ITGB3BP: variants seen among roughly 807,000 people sequenced by gnomAD.
ITGB3BP encodes centromere protein R.
A neutral mutation model predicts 29.1 loss-of-function variants in ITGB3BP; 27 were observed. That is an observed-to-expected ratio of 0.93 (90% CI 0.68 to 1.28). The LOEUF (loss-of-function observed/expected upper bound fraction) is 1.28, where lower values mean the gene tolerates loss of function less well. Ranked by LOEUF, ITGB3BP falls within the 50% of genes most tolerant of loss-of-function variation. The pLI, the probability that ITGB3BP is intolerant of heterozygous loss-of-function variation, is 0.00. For synonymous variants in ITGB3BP, 61 were observed against 61.4 expected (o/e 0.99, Z 0.03); for missense variants, 192 against 200.2 (o/e 0.96, Z 0.25).
At chr1:63,464,137 G>A (rs1469419484) in intron 4 of ITGB3BP, among the ~76,000 whole-genome samples, 1 of 151,964 alleles carries the variant, frequency 6.6e-6, no homozygotes, top group East Asian at 1.9e-4. Flanking sequence ...CCATAATGAT[G>A]GCTTATCTCA....
At chr1:63,459,339 G>A (rs1415497599) in intron 4 of ITGB3BP, among the ~76,000 whole-genome samples, 1 of 152,078 alleles carries the variant, frequency 6.6e-6, no homozygotes, top group Non-Finnish European at 1.5e-5. Flanking sequence ...ATTACTAAAA[G>A]CTATTATCTG....
chr1:63,475,400 T>C (rs1645318000), intron 4 of ITGB3BP, among the ~76,000 whole-genome samples: 1 of 152,002 alleles, frequency 6.6e-6, no homozygotes, highest in South Asian at 2.1e-4. Flanking sequence ...TACAAAAAAA[T>C]AAAAGAATTA....
intron 7 of ITGB3BP, among the ~76,000 whole-genome samples, chr1:63,450,732 A>G (rs926087993): frequency 1.3e-5 from 2 of 151,950 alleles, no homozygotes; most frequent in Non-Finnish European, 2.9e-5. Context: ...TATTGAAGAA[A>G]GCAAAATTAG....
At chr1:63,515,351 T>C (rs1646291652) in intron 1 of ITGB3BP, among the ~76,000 whole-genome samples, 2 of 152,182 alleles carry the variant, frequency 1.3e-5, no homozygotes, top group African/African-American at 2.4e-5. Flanking sequence ...TTTCTCTATA[T>C]GCCCAAACCA....
At chr1:63,495,432 A>G (rs1645763432) in intron 2 of ITGB3BP, among the ~76,000 whole-genome samples, 1 of 152,228 alleles carries the variant, frequency 6.6e-6, no homozygotes, top group Non-Finnish European at 1.5e-5. Flanking sequence ...GGTATATGGA[A>G]GGAACCGCAG....
intron 1 of ITGB3BP, among the ~76,000 whole-genome samples, chr1:63,508,963 G>T (rs1343795692): frequency 6.6e-6 from 1 of 152,104 alleles, no homozygotes; most frequent in Non-Finnish European, 1.5e-5. Flanking sequence ...TTTCAGTGGA[G>T]ATGTTGAAAG....
At chr1:63,485,861 T>C (rs553946721) in intron 3 of ITGB3BP, among the ~76,000 whole-genome samples, 3 of 152,188 alleles carry the variant, frequency 2.0e-5, no homozygotes, top group African/African-American at 4.8e-5. Flanking sequence ...ATTTTGTCTT[T>C]GATGTTCTAC....
chr1:63,444,634 T>G (rs1226128853), intron 8 of ITGB3BP, among the ~76,000 whole-genome samples: 2 of 111,588 alleles, frequency 1.8e-5, no homozygotes, highest in African/African-American at 5.7e-5. Context: ...ATATAGGAGA[T>G]ATATATATAT....
chr1:63,521,108 C>T (rs1031488349), intron 1 of ITGB3BP, among the ~76,000 whole-genome samples: 5 of 151,734 alleles, frequency 3.3e-5, no homozygotes, highest in African/African-American at 4.8e-5. Context: ...TAGATCACAC[C>T]CTCCCGTAAG....
Position 63,523,224 on chromosome 1 carries a change from A to C in ITGB3BP, c.-91T>G, listed in dbSNP as rs1429288754. 2 of 1,571,804 alleles carry C rather than the reference A, an allele frequency of 1.3e-6. No individual in the cohort carries two copies. Among genetic ancestry groups the C allele is most frequent in the Non-Finnish European group, 1.7e-6 (2 of 1,144,638 alleles). ...AATCCGCCAAAGGAAACGCCAAGGCATGAAAAGCGCGCGCTGGACGTTGCG... is the reference window on the plus strand; with the variant it reads ...AATCCGCCAAAGGAAACGCCAAGGCCTGAAAAGCGCGCGCTGGACGTTGCG... On this transcript the variant is annotated 5_prime_UTR_variant, in exon 1 of 9. It removes an upstream start codon present in the reference 5' UTR. Coordinates refer to ENST00000271002, the MANE Select transcript of ITGB3BP (RefSeq NM_014288.5).
At chr1:63,514,872 G>A (rs1222459067) in intron 1 of ITGB3BP, among the ~76,000 whole-genome samples, 1 of 149,272 alleles carries the variant, frequency 6.7e-6, no homozygotes, top group Non-Finnish European at 1.5e-5. Context: ...CTTGAACCCA[G>A]GAGACGGAGG....
intron 1 of ITGB3BP, among the ~76,000 whole-genome samples, chr1:63,514,392 C>T (rs572133947): frequency 1.7e-4 from 26 of 152,140 alleles, no homozygotes; most frequent in Middle Eastern, 3.4e-3. Context: ...TAAATAAATA[C>T]CTAGAAGTAG....
At chr1:63,463,108 T>A (rs1270515975) in intron 4 of ITGB3BP, among the ~76,000 whole-genome samples, 1 of 151,744 alleles carries the variant, frequency 6.6e-6, no homozygotes, top group African/African-American at 2.4e-5. Context: ...TAGCCAGGCA[T>A]GGTGGTGGCG....
intron 2 of ITGB3BP, among the ~76,000 whole-genome samples, chr1:63,495,984 G>A (rs867900232): frequency 3.9e-5 from 6 of 152,074 alleles, no homozygotes; most frequent in Admixed American, 3.3e-4. Flanking sequence ...ATAGGGAGCC[G>A]GGAACTATTC....
chr1:63,489,840 G>A (rs1645608318), intron 3 of ITGB3BP, among the ~76,000 whole-genome samples: 1 of 152,084 alleles, frequency 6.6e-6, no homozygotes, highest in African/African-American at 2.4e-5. Flanking sequence ...CTGAAGGCAA[G>A]TCAGGCCATA....
chr1:63,516,505 T>C (rs1401039957), intron 1 of ITGB3BP, among the ~76,000 whole-genome samples: 2 of 151,256 alleles, frequency 1.3e-5, no homozygotes, highest in Non-Finnish European at 3.0e-5. Flanking sequence ...ATGAGGATTG[T>C]TTGAGATCAA....
In ITGB3BP at chr1:63,521,668, C is replaced by T. The variant is rs1172277557; in HGVS notation, c.5+1461G>A. Among the ~76,000 whole-genome samples, 7 of 151,730 alleles carry T rather than the reference C, an allele frequency of 4.6e-5. No homozygotes were observed. The East Asian group carries it at 1.2e-3, about 25-fold the overall frequency. On this transcript the variant is annotated intron_variant, in intron 1 of 8. Transcript: ENST00000271002. ...GCAACACAGGGAGACACTGTCTTTA[C>T]AAAATAAAAAAATTAGGCATGGTGG...
At chr1:63,473,337 G>C (rs1449108665) in intron 4 of ITGB3BP, among the ~76,000 whole-genome samples, 1 of 151,362 alleles carries the variant, frequency 6.6e-6, no homozygotes, top group Non-Finnish European at 1.5e-5. Flanking sequence ...CCGTCCGGGA[G>C]GGAGGTGGCG....
intron 4 of ITGB3BP, among the ~76,000 whole-genome samples, chr1:63,459,990 A>T (rs1644990136): frequency 6.6e-6 from 1 of 152,062 alleles, no homozygotes; most frequent in Non-Finnish European, 1.5e-5. Flanking sequence ...AATCTGGTCA[A>T]TATAAATAAA....
Sources: gnomAD v4.1 joint callset for allele counts (sites outside exome capture counted in the v4.1 genomes callset) on GRCh38, gnomAD v4.1.1 for gene constraint, MANE v1.5 for transcripts, NCBI Gene and HGNC (gene_info 2026-07-23, HGNC 2026-07-21) for gene names.